FAF1: variants seen among roughly 807,000 people sequenced by gnomAD.
The protein encoded by FAF1 is Fas associated factor 1, also known as FAS-associated factor 1.
Under a neutral mutation model 92.5 loss-of-function variants are expected in FAF1, and 25 were observed. The ratio of observed to expected loss-of-function variants is 0.27; its 90% CI spans 0.20 to 0.38. The LOEUF (loss-of-function observed/expected upper bound fraction) is 0.38, where lower values mean the gene tolerates loss of function less well. Ranked by LOEUF, FAF1 falls within the 10% of genes least tolerant of loss-of-function variation. The pLI, the probability that FAF1 is intolerant of heterozygous loss-of-function variation, is 1.00. For synonymous variants in FAF1, 234 were observed against 273.2 expected (o/e 0.86, Z 1.42); for missense variants, 636 against 793.3 (o/e 0.80, Z 2.38).
chr1:50,767,813 A>G (rs1268190638), intron 4 of FAF1, among the ~76,000 whole-genome samples: 1 of 152,222 alleles, frequency 6.6e-6, no homozygotes, highest in Non-Finnish European at 1.5e-5. Flanking sequence ...AAATATGGAA[A>G]GGAAAGACCA....
Position 50,595,305 on chromosome 1 carries a change from T to C in FAF1, c.840+816A>G, listed in dbSNP as rs566749942. 1.0e-3 allele frequency among the ~76,000 whole-genome samples: 152 copies of C among 151,844 alleles called. 2 individuals carry two copies. In the South Asian group the frequency reaches 0.031, roughly 31 times the overall value. On this transcript the variant is annotated intron_variant, in intron 9 of 18. Coordinates refer to ENST00000396153, the MANE Select transcript of FAF1 (RefSeq NM_007051.3). ...CTGACCTCAGGTGATCCACTCACCT[T>C]GGCCTCTCAAAGTGCTGGGATTACA...
intron 1 of FAF1, among the ~76,000 whole-genome samples, chr1:50,922,932 G>C (rs1242077560): frequency 6.7e-6 from 1 of 150,088 alleles, no homozygotes; most frequent in African/African-American, 2.4e-5. Flanking sequence ...AAATGAAAAT[G>C]AAGTCATCAT....
chr1:50,652,261 T>G (rs1461139934), intron 8 of FAF1, among the ~76,000 whole-genome samples: 1 of 152,232 alleles, frequency 6.6e-6, no homozygotes, highest in Non-Finnish European at 1.5e-5. Context: ...TTTCCTATAG[T>G]AATTAGACTG....
intron 1 of FAF1, among the ~76,000 whole-genome samples, chr1:50,919,834 G>T (rs566745234): frequency 1.3e-5 from 2 of 152,126 alleles, no homozygotes; most frequent in African/African-American, 4.8e-5. Context: ...GAGGAACTGT[G>T]ATAAGTAAAC....
intron 8 of FAF1, among the ~76,000 whole-genome samples, chr1:50,599,989 A>G (rs1397903376): frequency 6.6e-6 from 1 of 152,120 alleles, no homozygotes; most frequent in Non-Finnish European, 1.5e-5. Flanking sequence ...TTTTAACATC[A>G]TGTTGCTGCT....
At chr1:50,841,647 G>T (rs1489074314) in intron 2 of FAF1, among the ~76,000 whole-genome samples, 1 of 151,776 alleles carries the variant, frequency 6.6e-6, no homozygotes, top group African/African-American at 2.4e-5. Flanking sequence ...GACTAGCAAA[G>T]AAAAGAAAGA....
At chr1:50,949,795 T>C (rs1430190693) in intron 1 of FAF1, among the ~76,000 whole-genome samples, 2 of 152,222 alleles carry the variant, frequency 1.3e-5, no homozygotes, top group African/African-American at 4.8e-5. Context: ...AGTGATTCTC[T>C]GGATTCTATT....
intron 4 of FAF1, among the ~76,000 whole-genome samples, chr1:50,784,438 A>G (rs1661292863): frequency 6.6e-6 from 1 of 152,190 alleles, no homozygotes; most frequent in African/African-American, 2.4e-5. Flanking sequence ...AAACAGTCCC[A>G]TTTACAATAG....
At chr1:50,753,826 C>T (rs541394250) in intron 4 of FAF1, among the ~76,000 whole-genome samples, 3 of 149,434 alleles carry the variant, frequency 2.0e-5, no homozygotes, top group East Asian at 3.9e-4. Context: ...GGTGCGATCT[C>T]GGCTCACTGC....
chr1:50,707,237 C>T (rs1260025632), intron 6 of FAF1, among the ~76,000 whole-genome samples: 1 of 150,052 alleles, frequency 6.7e-6, no homozygotes, highest in African/African-American at 2.5e-5. Flanking sequence ...GGCAGATAAT[C>T]TGTCTGCCCT....
intron 6 of FAF1, among the ~76,000 whole-genome samples, chr1:50,718,764 T>C (rs1658292683): frequency 6.6e-6 from 1 of 152,216 alleles, no homozygotes; most frequent in South Asian, 2.1e-4. Context: ...TCTTTCCAAA[T>C]GCCCTAACAT....
chr1:50,946,194 A>G (rs1645171474), intron 1 of FAF1, among the ~76,000 whole-genome samples: 1 of 152,226 alleles, frequency 6.6e-6, no homozygotes, highest in Admixed American at 6.5e-5. Context: ...GTGTAGGTAC[A>G]CATACATCTG....
chr1:50,746,689 T>C (rs1659635896), intron 4 of FAF1, among the ~76,000 whole-genome samples: 1 of 152,122 alleles, frequency 6.6e-6, no homozygotes, highest in South Asian at 2.1e-4. Context: ...AAGCCAATTT[T>C]CAGGGGAGAA....
chr1:50,733,959 G>C (rs1247280521), intron 6 of FAF1, among the ~76,000 whole-genome samples: 1 of 152,092 alleles, frequency 6.6e-6, no homozygotes, highest in Non-Finnish European at 1.5e-5. Context: ...ACCACACCCA[G>C]ATAATTTTTG....
intron 13 of FAF1, among the ~76,000 whole-genome samples, chr1:50,566,736 T>C (rs1267348344): frequency 6.6e-6 from 1 of 152,106 alleles, no homozygotes; most frequent in African/African-American, 2.4e-5. Context: ...TAGGATTATA[T>C]ATTAGACTTG....
intron 18 of FAF1, among the ~76,000 whole-genome samples, chr1:50,459,082 C>G (rs1646392455): frequency 6.6e-6 from 1 of 152,036 alleles, no homozygotes; most frequent in African/African-American, 2.4e-5. Flanking sequence ...AGTGTTCCTC[C>G]TGTTTCGGCC....
intron 8 of FAF1, among the ~76,000 whole-genome samples, chr1:50,652,274 T>C (rs1654899505): frequency 6.6e-6 from 1 of 152,334 alleles, no homozygotes; most frequent in East Asian, 1.9e-4. Flanking sequence ...TTAGACTGCA[T>C]GACAACTCTT....
intron 15 of FAF1, among the ~76,000 whole-genome samples, chr1:50,513,255 A>G (rs12130340): frequency 0.49 from 74,536 of 152,072 alleles, 20,403 homozygotes; most frequent in African/African-American, 0.72. Flanking sequence ...CAAGGCGGGC[A>G]GATTGCTTGA....
intron 1 of FAF1, among the ~76,000 whole-genome samples, chr1:50,938,794 C>A (rs761236698): frequency 6.6e-6 from 1 of 152,182 alleles, no homozygotes. Context: ...CTTCTGCATA[C>A]AGCTAGTTAT....
Sources: allele counts gnomAD v4.1 joint callset (sites outside exome capture counted in the v4.1 genomes callset), GRCh38; gene constraint gnomAD v4.1.1; transcripts MANE v1.5; gene names NCBI Gene and HGNC (gene_info 2026-07-23, HGNC 2026-07-21).